The following CHD7 variants were observed in gnomAD, a reference collection of about 807,000 sequenced individuals.
The protein encoded by CHD7 is ATP-dependent chromatin remodeler CHD7.
A neutral mutation model predicts 307.3 loss-of-function variants in CHD7; 24 were observed. The observed-to-expected ratio is 0.08, with a 90% CI of 0.06 to 0.11. CHD7 has a LOEUF of 0.11. Ranked by LOEUF, CHD7 falls within the 10% of genes least tolerant of loss-of-function variation. The probability of loss-of-function intolerance (pLI) is 1.00; values close to 1 mark genes in which losing one functional copy is unlikely to be tolerated. For synonymous variants in CHD7, 1,363 were observed against 1,349.9 expected, an observed-to-expected ratio of 1.01 and a Z score of -0.21; for missense variants, 3,106 against 3,727.1, an observed-to-expected ratio of 0.83 and a Z score of 4.34.
chr8:60,695,458 A>G (rs1480287098), intron 1 of CHD7, among the ~76,000 whole-genome samples: 1 of 152,230 alleles, frequency 6.6e-6, no homozygotes, highest in South Asian at 2.1e-4. Flanking sequence ...TGATAATAGC[A>G]CAAGAGGGCT....
At chr8:60,839,897 C>T (rs1804893552) in intron 19 of CHD7, among the ~76,000 whole-genome samples, 1 of 151,954 alleles carries the variant, frequency 6.6e-6, no homozygotes, top group East Asian at 1.9e-4. Flanking sequence ...TTAATGAAGC[C>T]CAGTTTACCA....
intron 1 of CHD7, among the ~76,000 whole-genome samples, chr8:60,740,575 A>G (rs1043599171): frequency 1.3e-5 from 2 of 152,190 alleles, no homozygotes; most frequent in African/African-American, 2.4e-5. Context: ...TGAATCTTGT[A>G]TATTTCTGCC....
In CHD7 at chr8:60,845,236, G is replaced by T. The variant is rs766512334; in HGVS notation, c.5051-14G>T. ...TGTAAAAGGCTTCTATTATTATTATGATGGTGATTCTAGGTTTGTCAGCTC... is the reference window on the plus strand; with the variant it reads ...TGTAAAAGGCTTCTATTATTATTATTATGGTGATTCTAGGTTTGTCAGCTC... On this transcript the variant is annotated splice_polypyrimidine_tract_variant and intron_variant, in intron 22 of 37. Coordinates refer to ENST00000423902, the MANE Select transcript of CHD7 (RefSeq NM_017780.4). 4.6e-5 allele frequency: 73 copies of T among 1,602,032 alleles called. No individual in the cohort carries two copies. The highest frequency in any genetic ancestry group is 4.3e-4 in the South Asian group (39 of 90,094).
intron 1 of CHD7, among the ~76,000 whole-genome samples, chr8:60,701,793 A>G (rs1806773361): frequency 6.6e-6 from 1 of 152,226 alleles, no homozygotes; most frequent in Non-Finnish European, 1.5e-5. Flanking sequence ...GAGATCTTGA[A>G]AAGTTTATCC....
chr8:60,764,267 G>A (rs1446622201), intron 2 of CHD7, among the ~76,000 whole-genome samples: 2 of 152,296 alleles, frequency 1.3e-5, no homozygotes, highest in African/African-American at 2.4e-5. Context: ...GGGATTACAG[G>A]TGTGAGCCAC....
intron 1 of CHD7, among the ~76,000 whole-genome samples, chr8:60,725,004 A>G (rs1349085884): frequency 6.6e-6 from 1 of 152,184 alleles, no homozygotes. Context: ...CAGAAATTCA[A>G]ATTTTGGTGG....
intron 1 of CHD7, among the ~76,000 whole-genome samples, chr8:60,684,179 C>T (rs1412673195): frequency 6.6e-6 from 1 of 152,134 alleles, no homozygotes; most frequent in Non-Finnish European, 1.5e-5. Context: ...AGAAACTTAA[C>T]TTGTCAGTAA....
chr8:60,681,983 GTTAC>G, intron 1 of CHD7, among the ~76,000 whole-genome samples: 1 of 152,084 alleles, frequency 6.6e-6, no homozygotes, highest in Middle Eastern at 3.4e-3. Context: ...TTTTTAAAAA[GTTAC>G]TTTCTTTTAT....
chr8:60,814,702 T>C (rs914790544), intron 7 of CHD7, among the ~76,000 whole-genome samples: 4 of 152,220 alleles, frequency 2.6e-5, no homozygotes, highest in African/African-American at 4.8e-5. Context: ...CTGCCTCGTA[T>C]AATATGTGTT....
chr8:60,689,546 C>T (rs1401426360), intron 1 of CHD7, among the ~76,000 whole-genome samples: 1 of 152,248 alleles, frequency 6.6e-6, no homozygotes, highest in African/African-American at 2.4e-5. Context: ...GTAGCATTAA[C>T]TGCTCTGCAG....
intron 1 of CHD7, among the ~76,000 whole-genome samples, chr8:60,708,585 G>A (rs779864105): frequency 2.7e-4 from 41 of 152,270 alleles, no homozygotes; most frequent in Non-Finnish European, 4.9e-4. Context: ...TCTAACTGTA[G>A]GATCTGCTCT....
In CHD7 at chr8:60,867,825, CG is replaced by C. The variant is rs1488968812; in HGVS notation, c.*1893del. On this transcript the variant is annotated 3_prime_UTR_variant, in exon 38 of 38. Transcript: ENST00000423902. The stretch of plus-strand genomic sequence containing the variant: ...TGTGATTGCTTTTATTTATCATCGT[CG>C]TTGTCTGCTGAAAGTGAATGGGCCG... The C allele has an allele frequency of 1.3e-5, 2 of 152,146 alleles. No individual in the cohort carries two copies. The highest frequency in any genetic ancestry group is 2.9e-5 in the Non-Finnish European group (2 of 68,036). The allele number at this position is 152,146 out of a possible 1,614,324, so 9.4% of individuals were successfully genotyped here.
chr8:60,837,059 T>G, intron 17 of CHD7, 47 bp downstream of exon 17: 2 of 1,451,566 alleles, frequency 1.4e-6, no homozygotes, highest in Non-Finnish European at 1.9e-6. Context: ...GAAGTCATTC[T>G]GCTTACTATG....
intron 36 of CHD7, 87 bp from the exon 37 acceptor site, chr8:60,862,461 G>T (rs145480197): frequency 2.2e-4 from 319 of 1,465,208 alleles, no homozygotes; most frequent in Non-Finnish European, 2.8e-4. Context: ...GCGTGTATGT[G>T]TGTATTATAG....
intron 1 of CHD7, among the ~76,000 whole-genome samples, chr8:60,704,227 ATATCTG>A (rs1406431858): frequency 2.6e-5 from 4 of 152,164 alleles, no homozygotes; most frequent in African/African-American, 9.7e-5. Flanking sequence ...GTATTCATGT[ATATCTG>A]TGGGCTGGGC....
rs112629399 is a variant in CHD7, at chr8:60,810,380, A to AGTGTGTGTGTGT, written c.2498+2127_2498+2138dup. Reference sequence around the variant, plus strand: ...GTGGATAGGACTGGGAGAGAGAGAGAGTGTGTGTGTGTGTGTGTGTGTGTG... The same window carrying AGTGTGTGTGTGT: ...GTGGATAGGACTGGGAGAGAGAGAGAGTGTGTGTGTGTGTGTGTGTGTGTGTGTGTGTGTGTG... On this transcript the variant is annotated intron_variant, in intron 7 of 37. Transcript: ENST00000423902. Among the ~76,000 whole-genome samples the AGTGTGTGTGTGT allele has an allele frequency of 1.8e-4, 27 of 146,090 alleles. 1 individual carries two copies. In the South Asian group the frequency reaches 5.7e-3, roughly 31 times the overall value.
chr8:60,705,061 C>G (rs1179575759), intron 1 of CHD7, among the ~76,000 whole-genome samples: 1 of 152,170 alleles, frequency 6.6e-6, no homozygotes, highest in Admixed American at 6.5e-5. Context: ...GATATAAAAT[C>G]TGATCCAATT....
intron 6 of CHD7, among the ~76,000 whole-genome samples, chr8:60,804,208 A>G (rs183280183): frequency 4.6e-5 from 7 of 152,348 alleles, no homozygotes; most frequent in East Asian, 1.9e-4. Flanking sequence ...GTTGGTGCCT[A>G]TTTGAATTTT....
intron 7 of CHD7, among the ~76,000 whole-genome samples, chr8:60,813,359 T>C (rs957230599): frequency 6.6e-6 from 1 of 152,168 alleles, no homozygotes; most frequent in Non-Finnish European, 1.5e-5. Flanking sequence ...AGAGATAGCT[T>C]TACTTATTAT....
Sources: gnomAD v4.1 joint callset for allele counts (sites outside exome capture counted in the v4.1 genomes callset) on GRCh38, gnomAD v4.1.1 for gene constraint, MANE v1.5 for transcripts, NCBI Gene and HGNC (gene_info 2026-07-23, HGNC 2026-07-21) for gene names.